The following GALNT14 variants were observed in gnomAD, a reference collection of about 807,000 sequenced individuals.
GALNT14 encodes UDP-GalNAc:polypeptide N-acetylgalactosaminyltransferase 14.
Under a neutral mutation model 77.5 loss-of-function variants are expected in GALNT14, and 60 were observed. The ratio of observed to expected loss-of-function variants is 0.77; its 90% confidence interval spans 0.63 to 0.96. The LOEUF (loss-of-function observed/expected upper bound fraction) is 0.96. GALNT14 is among the 40% of genes least tolerant of loss of function. The pLI is 0.00. For missense variants in GALNT14, 710 were observed against 731.0 expected (o/e 0.97, Z 0.33); for synonymous variants, 280 against 281.7 (o/e 0.99, Z 0.06).
At chr2:31,110,826 C>G (rs1211410568) in intron 1 of GALNT14, among the ~76,000 whole-genome samples, 1 of 152,158 alleles carries the variant, frequency 6.6e-6, no homozygotes, top group Non-Finnish European at 1.5e-5. Context: ...AACTCTCACA[C>G]AGGCACTAGA....
At chr2:31,137,192 C>T (rs1196927788) in intron 1 of GALNT14, among the ~76,000 whole-genome samples, 1 of 152,200 alleles carries the variant, frequency 6.6e-6, no homozygotes, top group Non-Finnish European at 1.5e-5. Flanking sequence ...AGTGAACCTT[C>T]GGAGAGCCAT....
chr2:31,005,533 A>G (rs574055817), intron 1 of GALNT14, among the ~76,000 whole-genome samples: 3 of 152,350 alleles, frequency 2.0e-5, no homozygotes, highest in East Asian at 1.9e-4. Flanking sequence ...CATACACAAC[A>G]TATTATCATT....
chr2:31,096,632 G>T (rs1484713307), intron 1 of GALNT14, among the ~76,000 whole-genome samples: 1 of 152,146 alleles, frequency 6.6e-6, no homozygotes, highest in Non-Finnish European at 1.5e-5. Context: ...TCTTTGCTTT[G>T]TAGAAGTGTA....
intron 2 of GALNT14, among the ~76,000 whole-genome samples, chr2:30,989,583 A>ATATATATAAAAATATAT (rs56703340): frequency 1.1e-5 from 1 of 91,878 alleles, no homozygotes; most frequent in African/African-American, 4.3e-5. Context: ...TATATATATA[A>ATATATATAAAAATATAT]AAATATATAT....
chr2:31,051,049 C>G (rs902629677), intron 1 of GALNT14, among the ~76,000 whole-genome samples: 1 of 152,068 alleles, frequency 6.6e-6, no homozygotes, highest in African/African-American at 2.4e-5. Flanking sequence ...CAAGAAAGTT[C>G]GCTGGATGGA....
intron 11 of GALNT14, among the ~76,000 whole-genome samples, chr2:30,925,310 A>G (rs1665302421): frequency 6.6e-6 from 1 of 152,122 alleles, no homozygotes; most frequent in East Asian, 1.9e-4. Flanking sequence ...AGCACCTACT[A>G]TGTGTCAGGC....
intron 1 of GALNT14, among the ~76,000 whole-genome samples, chr2:31,005,572 T>C (rs1670622232): frequency 6.6e-6 from 1 of 152,244 alleles, no homozygotes; most frequent in Non-Finnish European, 1.5e-5. Context: ...CTATTATTTC[T>C]TTTGGTGACT....
intron 2 of GALNT14, among the ~76,000 whole-genome samples, chr2:30,974,950 A>C (rs1668551032): frequency 6.6e-6 from 1 of 152,196 alleles, no homozygotes; most frequent in African/African-American, 2.4e-5. Context: ...GGAGAGGAAA[A>C]TGTCCTTTGC....
chr2:30,914,355 A>T (rs895592575), intron 13 of GALNT14, among the ~76,000 whole-genome samples: 16 of 152,270 alleles, frequency 1.1e-4, no homozygotes, highest in Middle Eastern at 3.4e-3. Flanking sequence ...CGGGGAGAAG[A>T]CACCTGCCCC....
At chr2:31,085,157 C>T (rs907247950) in intron 1 of GALNT14, among the ~76,000 whole-genome samples, 1 of 152,190 alleles carries the variant, frequency 6.6e-6, no homozygotes, top group African/African-American at 2.4e-5. Context: ...AGCTATCTGA[C>T]TCCCCCATTA....
chr2:31,087,020 T>C (rs1676462381), intron 1 of GALNT14, among the ~76,000 whole-genome samples: 1 of 152,108 alleles, frequency 6.6e-6, no homozygotes, highest in Non-Finnish European at 1.5e-5. Context: ...TGAGGCAGCA[T>C]GGGGGAATGT....
rs144035920 is a variant in GALNT14, at chr2:31,069,604, T to G, written c.129+68354A>C. On this transcript the variant is annotated intron_variant, in intron 1 of 14. Coordinates refer to ENST00000349752, the MANE Select transcript of GALNT14 (RefSeq NM_024572.4). The stretch of plus-strand genomic sequence containing the variant: ...AAACACATGCAGTCTGTCTCCAGCC[T>G]TCCCTTTTAACCCTGACCCCAGGAG... Among the ~76,000 whole-genome samples, 764 of 152,296 alleles carry G rather than the reference T, an allele frequency of 5.0e-3. 9 individuals are homozygous for G. Among genetic ancestry groups the G allele is most frequent in the African/African-American group, 0.018 (742 of 41,546 alleles).
intron 2 of GALNT14, among the ~76,000 whole-genome samples, chr2:30,989,579 T>TATATATATATATATATATATATATACAC (rs1553351610): frequency 1.2e-4 from 15 of 127,194 alleles, no homozygotes; most frequent in South Asian, 9.4e-4. Context: ...TATATATATA[T>TATATATATATATATATATATATATACAC]ATAAAAATAT....
intron 9 of GALNT14, among the ~76,000 whole-genome samples, chr2:30,933,327 A>C (rs1038484088): frequency 6.6e-6 from 1 of 152,168 alleles, no homozygotes; most frequent in African/African-American, 2.4e-5. Context: ...ATGCTTCTGA[A>C]GTCGAGCCCA....
intron 1 of GALNT14, among the ~76,000 whole-genome samples, chr2:31,112,218 C>T (rs1007470274): frequency 6.6e-6 from 1 of 152,222 alleles, no homozygotes; most frequent in African/African-American, 2.4e-5. Context: ...GGAGAGCAAA[C>T]AGCCAGTGGC....
At chr2:31,048,158 G>A (rs941517261) in intron 1 of GALNT14, among the ~76,000 whole-genome samples, 1 of 152,272 alleles carries the variant, frequency 6.6e-6, no homozygotes, top group African/African-American at 2.4e-5. Context: ...CCTGAGCCCA[G>A]AAGGGGATGT....
intron 1 of GALNT14, among the ~76,000 whole-genome samples, chr2:31,044,778 A>G (rs965030669): frequency 6.6e-6 from 1 of 151,842 alleles, no homozygotes; most frequent in Non-Finnish European, 1.5e-5. Context: ...TACAAAAATT[A>G]GTGGTGCACA....
intron 3 of GALNT14, among the ~76,000 whole-genome samples, chr2:30,965,253 G>A (rs1472189831): frequency 1.3e-5 from 2 of 152,190 alleles, no homozygotes; most frequent in Non-Finnish European, 2.9e-5. Flanking sequence ...ACTGGACCTT[G>A]ATTTAGTATC....
intron 6 of GALNT14, among the ~76,000 whole-genome samples, chr2:30,949,897 G>A (rs913608409): frequency 3.3e-5 from 5 of 152,128 alleles, no homozygotes; most frequent in Non-Finnish European, 5.9e-5. Context: ...GGAGGGGTGG[G>A]GAACACAGGG....
Sources: allele counts gnomAD v4.1 joint callset (sites outside exome capture counted in the v4.1 genomes callset), GRCh38; gene constraint gnomAD v4.1.1; transcripts MANE v1.5; gene names NCBI Gene and HGNC (gene_info 2026-07-23, HGNC 2026-07-21).